The following ALCAM variants were observed in gnomAD, a reference collection of about 807,000 sequenced individuals.
The protein encoded by ALCAM is CD166 antigen.
ALCAM carries 30 observed loss-of-function variants against 70.9 expected under a neutral mutation model. The ratio of observed to expected loss-of-function variants is 0.42; its 90% CI spans 0.32 to 0.57. The LOEUF (loss-of-function observed/expected upper bound fraction) is 0.57, where lower values mean the gene tolerates loss of function less well. ALCAM is among the 20% of genes least tolerant of loss of function. The pLI is 0.11. For synonymous variants in ALCAM, 249 were observed against 242.5 expected (o/e 1.03, Z -0.25); for missense variants, 591 against 695.1 (o/e 0.85, Z 1.68).
At chr3:105,547,086 C>T in intron 9 of ALCAM, 63 bp from the exon 10 acceptor site, 2 of 1,337,652 alleles carry the variant, frequency 1.5e-6, no homozygotes, top group Non-Finnish European at 2.0e-6. Context: ...TAATTATTAT[C>T]TAATAAATAC....
At chr3:105,438,706 T>A (rs951352336) in intron 1 of ALCAM, among the ~76,000 whole-genome samples, 1 of 152,140 alleles carries the variant, frequency 6.6e-6, no homozygotes, top group Non-Finnish European at 1.5e-5. Flanking sequence ...AGCAATCATG[T>A]TGCTACAGAT....
intron 14 of ALCAM, among the ~76,000 whole-genome samples, chr3:105,561,214 T>C (rs1435578285): frequency 6.6e-6 from 1 of 152,224 alleles, no homozygotes; most frequent in Non-Finnish European, 1.5e-5. Flanking sequence ...AAAGTGTGAT[T>C]AATTTTTCAT....
intron 1 of ALCAM, among the ~76,000 whole-genome samples, chr3:105,493,987 ATAC>A (rs1159263646): frequency 3.3e-5 from 5 of 152,214 alleles, no homozygotes; most frequent in African/African-American, 1.2e-4. Flanking sequence ...TAAAGCCAGC[ATAC>A]GACCCCAGGA....
chr3:105,547,292 A>C lies in ALCAM; in HGVS notation c.1240+8A>C. 6.3e-7 allele frequency: 1 copy of C among 1,586,202 alleles called. No homozygotes were observed. The highest frequency in any genetic ancestry group is 8.6e-7 in the Non-Finnish European group (1 of 1,167,986). ...TGACTCTCATTGTAGAAGGTAATAA[A>C]ATACTTGGGCACTAATTCAAATTGT... On this transcript the variant is annotated splice_region_variant and intron_variant, in intron 10 of 15. Transcript: ENST00000306107.
intron 1 of ALCAM, among the ~76,000 whole-genome samples, chr3:105,376,566 A>G (rs1321088352): frequency 1.3e-5 from 2 of 152,242 alleles, no homozygotes; most frequent in Non-Finnish European, 2.9e-5. Flanking sequence ...TAATTACTAT[A>G]CATTCAAGAT....
chr3:105,499,518 A>AG (rs1170603809), intron 1 of ALCAM, among the ~76,000 whole-genome samples: 1 of 152,208 alleles, frequency 6.6e-6, no homozygotes, highest in Non-Finnish European at 1.5e-5. Context: ...CATGTACAGA[A>AG]GAGTCCTTTA....
At chr3:105,442,892 T>C (rs1937207540) in intron 1 of ALCAM, among the ~76,000 whole-genome samples, 1 of 152,218 alleles carries the variant, frequency 6.6e-6, no homozygotes, top group South Asian at 2.1e-4. Flanking sequence ...TGAAGTATAG[T>C]GAGTATAGCT....
chr3:105,382,292 G>T (rs990586898), intron 1 of ALCAM, among the ~76,000 whole-genome samples: 94 of 152,004 alleles, frequency 6.2e-4, no homozygotes, highest in African/African-American at 2.1e-3. Flanking sequence ...TGGCTGCATA[G>T]TATTCCATGG....
At chr3:105,521,244 T>C (rs979813495) in intron 2 of ALCAM, among the ~76,000 whole-genome samples, 1 of 130,624 alleles carries the variant, frequency 7.7e-6, no homozygotes, top group African/African-American at 3.0e-5. Context: ...GAGCTTGCAG[T>C]GAGCCGAGAT....
chr3:105,429,912 G>A (rs1936884710), intron 1 of ALCAM, among the ~76,000 whole-genome samples: 1 of 151,730 alleles, frequency 6.6e-6, no homozygotes, highest in Non-Finnish European at 1.5e-5. Context: ...ACTTTTTAAA[G>A]CTATGCTTGA....
At chr3:105,382,598 C>T (rs1264907336) in intron 1 of ALCAM, among the ~76,000 whole-genome samples, 2 of 151,882 alleles carry the variant, frequency 1.3e-5, no homozygotes, top group Non-Finnish European at 2.9e-5. Context: ...CTCTCCAGCA[C>T]CTGTTGTTTC....
intron 9 of ALCAM, among the ~76,000 whole-genome samples, chr3:105,546,717 C>T (rs1322822282): frequency 6.6e-6 from 1 of 151,274 alleles, no homozygotes; most frequent in Non-Finnish European, 1.5e-5. Flanking sequence ...ATCAGTATTC[C>T]CTGATTATTG....
At chr3:105,525,677 T>C (rs535349049) in intron 3 of ALCAM, among the ~76,000 whole-genome samples, 84 of 152,318 alleles carry the variant, frequency 5.5e-4, no homozygotes, top group African/African-American at 2.0e-3. Context: ...GTCCCTCAAG[T>C]ATTTATACGG....
intron 13 of ALCAM, 23 bp from the exon 14 acceptor site, chr3:105,552,445 T>G: frequency 1.2e-6 from 2 of 1,604,270 alleles, no homozygotes; most frequent in South Asian, 2.2e-5. Flanking sequence ...TGTAATTGCA[T>G]GGACTTTTCT....
chr3:105,571,086 C>T (rs1430286206), intron 14 of ALCAM, among the ~76,000 whole-genome samples: 1 of 152,172 alleles, frequency 6.6e-6, no homozygotes, highest in Non-Finnish European at 1.5e-5. Context: ...AGAGCCTAGG[C>T]ATGGGTAATC....
intron 14 of ALCAM, among the ~76,000 whole-genome samples, chr3:105,570,274 TACTC>T (rs1219946509): frequency 6.6e-6 from 1 of 152,034 alleles, no homozygotes; most frequent in African/African-American, 2.4e-5. Flanking sequence ...TAAGAAAAGA[TACTC>T]AAAAGAGATA....
In ALCAM at chr3:105,575,819, A is replaced by T. The variant is rs1158464346; in HGVS notation, c.*1368A>T. On this transcript the variant is annotated 3_prime_UTR_variant, in exon 16 of 16. Transcript: ENST00000306107. ...AACTTTAAAGGGAAGATAAATGAAC[A>T]TCAGATTTCTAGGTATAGAACTATG... The T allele has an allele frequency of 2.0e-5, 3 of 152,196 alleles. No individual in the cohort carries two copies. Among genetic ancestry groups the T allele is most frequent in the Non-Finnish European group, 4.4e-5 (3 of 68,042 alleles). The allele number at this position is 152,196 out of a possible 1,614,324, so 9.4% of individuals were successfully genotyped here. A position where few individuals can be genotyped will look rare whatever the true frequency, so the allele number is the denominator to read the frequency against.
intron 1 of ALCAM, among the ~76,000 whole-genome samples, chr3:105,398,631 C>T (rs1355469923): frequency 2.0e-5 from 3 of 152,116 alleles, no homozygotes; most frequent in Non-Finnish European, 4.4e-5. Context: ...GGAATGACTA[C>T]ACTTGTGTTT....
At chr3:105,542,040 T>C (rs1417938518) in intron 8 of ALCAM, among the ~76,000 whole-genome samples, 1 of 151,892 alleles carries the variant, frequency 6.6e-6, no homozygotes, top group African/African-American at 2.4e-5. Flanking sequence ...CAATGAACAA[T>C]ATTCATATAG....
Sources: gnomAD v4.1 joint callset for allele counts (sites outside exome capture counted in the v4.1 genomes callset) on GRCh38, gnomAD v4.1.1 for gene constraint, MANE v1.5 for transcripts, NCBI Gene and HGNC (gene_info 2026-07-23, HGNC 2026-07-21) for gene names.